SDK1: variants seen among roughly 807,000 people sequenced by gnomAD.
SDK1 encodes the protein sidekick cell adhesion molecule 1.
A neutral mutation model predicts 245.5 loss-of-function variants in SDK1; 157 were observed. The observed-to-expected ratio is 0.64, with a 90% CI of 0.56 to 0.73. The LOEUF (loss-of-function observed/expected upper bound fraction) is 0.73, where lower values mean the gene tolerates loss of function less well. Among genes scored for constraint, SDK1 ranks in the 30% least tolerant of loss-of-function variants. The probability of loss-of-function intolerance (pLI) is 0.00; values close to 1 mark genes in which losing one functional copy is unlikely to be tolerated. For missense variants in SDK1, 3,583 were observed against 3,002.3 expected (o/e 1.19, Z -4.52); for synonymous variants, 1,647 against 1,278.5 (o/e 1.29, Z -6.15).
chr7:3,560,024 A>G (rs899089664), intron 1 of SDK1, among the ~76,000 whole-genome samples: 4 of 152,250 alleles, frequency 2.6e-5, no homozygotes, highest in Admixed American at 2.6e-4. Context: ...AGGAGACAGG[A>G]GATAGCTCAA....
intron 4 of SDK1, among the ~76,000 whole-genome samples, chr7:3,816,021 G>T (rs1243549467): frequency 7.0e-6 from 1 of 142,952 alleles, no homozygotes; most frequent in African/African-American, 2.8e-5. Flanking sequence ...AATGAAGGCA[G>T]AAATAAAGAT....
chr7:3,994,986 G>A (rs1248687600), intron 14 of SDK1, among the ~76,000 whole-genome samples: 1 of 152,170 alleles, frequency 6.6e-6, no homozygotes, highest in East Asian at 1.9e-4. Context: ...AGGAAGCCTG[G>A]TACTGTAGAC....
At position 4,265,311 on chromosome 7, in the gene SDK1, G is replaced by A. The variant is rs756322815; in HGVS notation, c.6569G>A (p.Ser2190Asn). ...CTGCACCCGGTCATCACCACGCAGA[G>A]CGCGGGCGGCGTCTACACCCCCGCT... Reference protein sequence around the residue: ...AQLHPVITTQSAGGVYTPAGP... With the variant: ...AQLHPVITTQNAGGVYTPAGP... Residue 2190 changes from serine (S) to asparagine (N), a missense_variant, in exon 45 of 45, where the codon AGC (serine) becomes AAC (asparagine). Coordinates refer to ENST00000404826, the MANE Select transcript of SDK1 (RefSeq NM_152744.4). 3.9e-6 allele frequency: 6 copies of A among 1,550,682 alleles called. No individual in the cohort carries two copies. In the East Asian group the frequency reaches 1.4e-4, roughly 36 times the overall value.
chr7:3,349,097 T>C (rs1780586855), intron 1 of SDK1, among the ~76,000 whole-genome samples: 1 of 152,164 alleles, frequency 6.6e-6, no homozygotes. Context: ...TTTGTCGTTC[T>C]CATTTCCCTT....
At chr7:3,521,660 C>T (rs745566964) in intron 1 of SDK1, among the ~76,000 whole-genome samples, 8 of 152,008 alleles carry the variant, frequency 5.3e-5, no homozygotes, top group Non-Finnish European at 1.0e-4. Flanking sequence ...ACTGTGGATT[C>T]GATAGTCTAA....
At chr7:3,519,745 TATCATTAA>T (rs1338174590) in intron 1 of SDK1, among the ~76,000 whole-genome samples, 1 of 152,154 alleles carries the variant, frequency 6.6e-6, no homozygotes, top group Admixed American at 6.6e-5. Context: ...CAATAGAGGT[TATCATTAA>T]ATAAGAGGAG....
intron 5 of SDK1, among the ~76,000 whole-genome samples, chr7:3,825,463 T>TTC (rs1779748876): frequency 6.6e-6 from 1 of 152,184 alleles, no homozygotes; most frequent in Non-Finnish European, 1.5e-5. Flanking sequence ...TGTAATGAGA[T>TTC]TCTCTACTAG....
chr7:3,900,924 A>C (rs545962564), intron 5 of SDK1, among the ~76,000 whole-genome samples: 14 of 152,282 alleles, frequency 9.2e-5, no homozygotes, highest in Middle Eastern at 3.4e-3. Flanking sequence ...TATATCATTC[A>C]AATTCAAATG....
chr7:3,692,993 A>C (rs567367400), intron 4 of SDK1, among the ~76,000 whole-genome samples: 5 of 152,124 alleles, frequency 3.3e-5, no homozygotes, highest in Admixed American at 2.0e-4. Flanking sequence ...AATATTTGCC[A>C]GTTTTCTGTT....
At chr7:3,790,699 G>A (rs1391740544) in intron 4 of SDK1, among the ~76,000 whole-genome samples, 2 of 152,070 alleles carry the variant, frequency 1.3e-5, no homozygotes, top group South Asian at 2.1e-4. Context: ...CCAGCTACTC[G>A]GGAGACTGAG....
intron 1 of SDK1, among the ~76,000 whole-genome samples, chr7:3,506,912 A>G (rs1335579023): frequency 2.6e-5 from 4 of 151,048 alleles, no homozygotes; most frequent in East Asian, 3.9e-4. Context: ...TATCATTGCT[A>G]TATCTGTTTA....
At chr7:4,163,920 T>C (rs1309249780) in intron 32 of SDK1, among the ~76,000 whole-genome samples, 4 of 152,214 alleles carry the variant, frequency 2.6e-5, no homozygotes, top group Non-Finnish European at 4.4e-5. Flanking sequence ...CTGCCACTTA[T>C]CTGAGGGATG....
chr7:3,525,718 G>T (rs547973919), intron 1 of SDK1, among the ~76,000 whole-genome samples: 1 of 152,180 alleles, frequency 6.6e-6, no homozygotes, highest in East Asian at 1.9e-4. Context: ...TTTTCCAAAT[G>T]ACTTCTCCCA....
At chr7:3,574,566 C>T (rs1359311664) in intron 1 of SDK1, among the ~76,000 whole-genome samples, 1 of 152,050 alleles carries the variant, frequency 6.6e-6, no homozygotes, top group Non-Finnish European at 1.5e-5. Context: ...CCCCACTATG[C>T]CCTTGGCTCT....
chr7:3,474,229 A>C (rs534601965), intron 1 of SDK1, among the ~76,000 whole-genome samples: 1 of 146,196 alleles, frequency 6.8e-6, no homozygotes, highest in Non-Finnish European at 1.5e-5. Flanking sequence ...CAGCCTCCCA[A>C]GTAGTGGTGG....
At chr7:3,609,053 C>G (rs569313858) in intron 1 of SDK1, among the ~76,000 whole-genome samples, 1 of 152,214 alleles carries the variant, frequency 6.6e-6, no homozygotes, top group East Asian at 1.9e-4. Context: ...CAGTGCCACT[C>G]TTAAGAATTT....
chr7:3,748,308 G>T (rs577644207), intron 4 of SDK1, among the ~76,000 whole-genome samples: 1 of 152,084 alleles, frequency 6.6e-6, no homozygotes, highest in Non-Finnish European at 1.5e-5. Flanking sequence ...TTATTTCCCG[G>T]ATTCTCTAAA....
chr7:4,057,552 G>A (rs529791545), intron 19 of SDK1, among the ~76,000 whole-genome samples: 2 of 151,882 alleles, frequency 1.3e-5, no homozygotes, highest in African/African-American at 2.4e-5. Context: ...AGGGCCTTGA[G>A]AACCCACCCA....
intron 1 of SDK1, among the ~76,000 whole-genome samples, chr7:3,378,938 C>A (rs915503097): frequency 1.3e-5 from 2 of 152,066 alleles, no homozygotes; most frequent in Non-Finnish European, 2.9e-5. Flanking sequence ...ACCCCTTCCC[C>A]GGAGCAGACC....
Sources: allele counts gnomAD v4.1 joint callset (sites outside exome capture counted in the v4.1 genomes callset), GRCh38; gene constraint gnomAD v4.1.1; transcripts MANE v1.5; gene names NCBI Gene and HGNC (gene_info 2026-07-23, HGNC 2026-07-21).